ACLY: variants seen among roughly 807,000 people sequenced by gnomAD.
ACLY encodes the protein ATP-citrate synthase.
ACLY carries 41 observed loss-of-function variants against 133.0 expected under a neutral mutation model. The ratio of observed to expected loss-of-function variants is 0.31; its 90% confidence interval spans 0.24 to 0.40. The LOEUF is 0.40. Among genes scored for constraint, ACLY ranks in the 10% least tolerant of loss-of-function variants. The pLI, the probability that ACLY is intolerant of heterozygous loss-of-function variation, is 1.00. For synonymous variants in ACLY, 495 were observed against 549.3 expected (o/e 0.90, Z 1.38); for missense variants, 1,046 against 1,453.8 (o/e 0.72, Z 4.56).
At chr17:41,888,934 C>CA (rs2049127314) in intron 16 of ACLY, among the ~76,000 whole-genome samples, 1 of 151,992 alleles carries the variant, frequency 6.6e-6, no homozygotes, top group South Asian at 2.1e-4. Flanking sequence ...GCCTGACCAA[C>CA]ATGGAGAAAA....
intron 11 of ACLY, 104 bp downstream of exon 11, chr17:41,901,592 T>C: frequency 1.1e-6 from 1 of 922,274 alleles, no homozygotes; most frequent in Non-Finnish European, 1.7e-6. Context: ...GGAAGGGGAG[T>C]AGAGAGCAAA....
rs7713 is a variant in ACLY at position 41,867,214 on chromosome 17, A to C, written c.*596T>G. 12,789 of 152,704 alleles carry C rather than the reference A, an allele frequency of 0.084. 750 individuals are homozygous for C. The highest frequency in any genetic ancestry group is 0.12 in the Non-Finnish European group (7,911 of 68,014). 9.5% of individuals were successfully genotyped at this position (152,704 alleles called of 1,614,324 possible). A position where few individuals can be genotyped will look rare whatever the true frequency, so the allele number is the denominator to read the frequency against. ...CAATGGCTAAGGATGCAATGGCCCC[A>C]TCCCCCTGACATAAACAGACTCTGG... On this transcript the variant is annotated 3_prime_UTR_variant, in exon 29 of 29. Transcript: ENST00000352035.
chr17:41,868,623 AAAG>A, intron 28 of ACLY, 83 bp downstream of exon 28: 1 of 838,858 alleles, frequency 1.2e-6, no homozygotes. Flanking sequence ...AAAGAAAGAA[AAAG>A]AAACTCAACC....
intron 16 of ACLY, among the ~76,000 whole-genome samples, chr17:41,891,435 C>T (rs1429883900): frequency 1.3e-5 from 2 of 152,132 alleles, no homozygotes; most frequent in African/African-American, 4.8e-5. Flanking sequence ...TAGAGTCTCA[C>T]TCTGCTGCCT....
chr17:41,872,784 TCA>T (rs1287766516), intron 23 of ACLY, among the ~76,000 whole-genome samples: 2 of 152,186 alleles, frequency 1.3e-5, no homozygotes, highest in African/African-American at 4.8e-5. Context: ...CCCTGTCCCT[TCA>T]CAGTGTAGGA....
At chr17:41,886,565 G>T (rs1391630398) in intron 17 of ACLY, among the ~76,000 whole-genome samples, 5 of 152,138 alleles carry the variant, frequency 3.3e-5, no homozygotes, top group Non-Finnish European at 5.9e-5. Context: ...TACTTGGCCC[G>T]GCACAGTGGC....
At chr17:41,922,957 C>T (rs1243997569), upstream of ACLY, among the ~76,000 whole-genome samples, 1 of 152,224 alleles carries the variant, frequency 6.6e-6, no homozygotes, top group Non-Finnish European at 1.5e-5. Flanking sequence ...CATTACCCCA[C>T]CATGCACCCA....
At chr17:41,887,541 G>T in intron 17 of ACLY, 58 bp downstream of exon 17, 1 of 1,414,378 alleles carries the variant, frequency 7.1e-7, no homozygotes, top group Non-Finnish European at 1.0e-6. Context: ...CTTCCTAAGG[G>T]CATTGAACTT....
intron 1 of ACLY, among the ~76,000 whole-genome samples, chr17:41,924,325 T>G (rs1332508504): frequency 1.3e-5 from 2 of 151,256 alleles, no homozygotes; most frequent in African/African-American, 2.4e-5. Context: ...TTTTTTTTAT[T>G]TTTAGTAGAG....
Position 41,883,227 on chromosome 17 carries a change from C to T in ACLY, c.2160G>A (p.Gly720=). The T allele has an allele frequency of 1.9e-6, 3 of 1,613,634 alleles. No individual in the cohort carries two copies. Among genetic ancestry groups the T allele is most frequent in the Non-Finnish European group, 2.5e-6 (3 of 1,179,932 alleles). ...GGCAAATCTTATATTCCTCAGTGCC[C>T]CCAATCTGCCAAGGAATGGGGAATG... is the stretch of plus-strand genomic sequence containing the variant. ...VKMIVVLGEI[G]GTEEYKICRG... is the part of the protein sequence containing the mutation. The change falls in exon 20 of 29, where the codon GGG becomes GGA. Residue 720 remains glycine (G), a synonymous_variant. Transcript: ENST00000352035.
chr17:41,904,893 C>A, intron 9 of ACLY, 103 bp from the exon 10 acceptor site: 1 of 1,107,662 alleles, frequency 9.0e-7, no homozygotes, highest in Non-Finnish European at 1.4e-6. Context: ...GAATGAGGGT[C>A]CCCCATCTGC....
chr17:41,906,722 G>A (rs147652259), intron 7 of ACLY, 76 bp from the exon 8 acceptor site: 16 of 1,319,294 alleles, frequency 1.2e-5, no homozygotes, highest in African/African-American at 5.8e-5. Context: ...ACCCCTCCCC[G>A]CTTTCCCTGG....
intron 11 of ACLY, among the ~76,000 whole-genome samples, chr17:41,900,084 A>G (rs1456084111): frequency 4.5e-5 from 6 of 134,644 alleles, no homozygotes; most frequent in South Asian, 2.2e-4. Flanking sequence ...AAAAAAAAAA[A>G]AAAAAAAAAA....
At chr17:41,910,090 C>G in intron 4 of ACLY, 132 bp downstream of exon 4, 1 of 888,100 alleles carries the variant, frequency 1.1e-6, no homozygotes, top group Admixed American at 2.6e-5. Context: ...ACCCTCAGAT[C>G]CTCAGTGCAG....
chr17:41,925,150 C>T lies in ACLY; in HGVS notation c.-28+5208G>A, dbSNP rs368220649. On this transcript the variant is annotated intron_variant, in intron 1 of 3. Transcript: ENST00000592970. Reference sequence around the variant, plus strand: ...TTCTGGGTTCAAGCGATTCTCCTGCCTCAGCCTCCCAAGAAGCTGGGGTTA... The same window carrying T: ...TTCTGGGTTCAAGCGATTCTCCTGCTTCAGCCTCCCAAGAAGCTGGGGTTA... 2.2e-4 allele frequency among the ~76,000 whole-genome samples: 34 copies of T among 152,012 alleles called. 1 individual carries two copies. The South Asian group carries it at 7.1e-3, about 32-fold the overall frequency.
At position 41,869,549 on chromosome 17, in the gene ACLY, A is replaced by G; in HGVS notation, c.2976T>C (p.Asp992=). The G allele has an allele frequency of 6.2e-7, 1 of 1,614,146 alleles. No individual in the cohort carries two copies. The highest frequency in any genetic ancestry group is 2.2e-5 in the East Asian group (1 of 44,884). Residue 992 remains aspartate (D), a synonymous_variant, in exon 26 of 29, where the codon GAT becomes GAC. Transcript: ENST00000352035. ...NPDMRVQILK[D]YVRQHFPATP... is the part of the protein sequence containing the mutation. ...TGGCAGGGAAGTGCTGCCTGACGTA[A>G]TCTTTGAGGATCTGCACTCGCATGT...
At chr17:41,898,608 G>A (rs1187175926) in intron 12 of ACLY, 23 bp downstream of exon 12, 2 of 1,611,530 alleles carry the variant, frequency 1.2e-6, no homozygotes, top group Admixed American at 3.3e-5. Flanking sequence ...CTTCCTGTAA[G>A]GTTTGGGGAG....
chr17:41,902,299 T>C (rs1392723113), intron 10 of ACLY, among the ~76,000 whole-genome samples: 3 of 152,122 alleles, frequency 2.0e-5, no homozygotes, highest in African/African-American at 4.8e-5. Context: ...CTGCAACCTC[T>C]GCCTCCTGGG....
At chr17:41,872,298 A>G (rs1597966678) in intron 23 of ACLY, 116 bp from the exon 24 acceptor site, 2 of 956,242 alleles carry the variant, frequency 2.1e-6, no homozygotes, top group East Asian at 5.2e-5. Context: ...ATCCAAGTCT[A>G]ATACTACCAC....
Sources: allele counts gnomAD v4.1 joint callset (sites outside exome capture counted in the v4.1 genomes callset), GRCh38; gene constraint gnomAD v4.1.1; transcripts MANE v1.5; gene names NCBI Gene and HGNC (gene_info 2026-07-23, HGNC 2026-07-21).